The following MYRIP variants were observed in gnomAD, a reference collection of about 807,000 sequenced individuals.
The protein encoded by MYRIP is rab effector MyRIP.
A neutral mutation model predicts 98.0 loss-of-function variants in MYRIP; 49 were observed. The observed-to-expected ratio is 0.50, with a 90% CI of 0.40 to 0.63. MYRIP has a LOEUF of 0.63. Ranked by LOEUF, MYRIP falls within the 30% of genes least tolerant of loss-of-function variation. The pLI is 0.00. For synonymous variants in MYRIP, 404 were observed against 409.5 expected, an observed-to-expected ratio of 0.99 and a Z score of 0.16; for missense variants, 1,004 against 1,058.2, an observed-to-expected ratio of 0.95 and a Z score of 0.71.
intron 3 of MYRIP, among the ~76,000 whole-genome samples, chr3:40,045,988 A>G (rs550183085): frequency 6.6e-6 from 1 of 152,218 alleles, no homozygotes; most frequent in Non-Finnish European, 1.5e-5. Context: ...TGAAAATTCT[A>G]TATAGAGAAA....
chr3:39,906,437 G>A (rs186062587), intron 2 of MYRIP, among the ~76,000 whole-genome samples: 2 of 152,090 alleles, frequency 1.3e-5, no homozygotes, highest in Non-Finnish European at 2.9e-5. Context: ...TGCTTCTAGT[G>A]TTCCTCCATT....
chr3:39,818,689 C>T (rs778454725), intron 1 of MYRIP, among the ~76,000 whole-genome samples: 3 of 152,060 alleles, frequency 2.0e-5, no homozygotes, highest in Non-Finnish European at 4.4e-5. Context: ...ATTCAGTAAA[C>T]ATCCTTGAAA....
At chr3:40,043,612 G>T (rs1460457189) in intron 2 of MYRIP, among the ~76,000 whole-genome samples, 1 of 152,080 alleles carries the variant, frequency 6.6e-6, no homozygotes, top group African/African-American at 2.4e-5. Flanking sequence ...CAGTTTCCAG[G>T]GATGTTAAAT....
chr3:40,000,234 T>C (rs918414966), intron 2 of MYRIP, among the ~76,000 whole-genome samples: 5 of 152,190 alleles, frequency 3.3e-5, no homozygotes, highest in Admixed American at 3.3e-4. Context: ...TGTAGATTAA[T>C]AAATGTTATA....
chr3:40,205,230 G>T (rs1052129257), intron 10 of MYRIP, among the ~76,000 whole-genome samples: 1 of 152,146 alleles, frequency 6.6e-6, no homozygotes, highest in Non-Finnish European at 1.5e-5. Context: ...AAGGAGAAGT[G>T]AAATTCGTCT....
At chr3:40,227,036 C>T (rs1952510279) in intron 11 of MYRIP, among the ~76,000 whole-genome samples, 1 of 152,208 alleles carries the variant, frequency 6.6e-6, no homozygotes, top group South Asian at 2.1e-4. Flanking sequence ...TGTAGGTCCG[C>T]AGCCTGTTGC....
intron 3 of MYRIP, among the ~76,000 whole-genome samples, chr3:40,068,942 C>T (rs935341626): frequency 5.3e-5 from 8 of 152,290 alleles, no homozygotes; most frequent in South Asian, 2.1e-4. Flanking sequence ...CACTGCTCTG[C>T]GTCACCAGCT....
At chr3:40,086,960 G>A (rs1042789834) in intron 3 of MYRIP, among the ~76,000 whole-genome samples, 2 of 152,056 alleles carry the variant, frequency 1.3e-5, no homozygotes, top group African/African-American at 4.8e-5. Flanking sequence ...CCAGCGCCAT[G>A]CCCTATGACC....
intron 1 of MYRIP, among the ~76,000 whole-genome samples, chr3:39,846,071 C>G (rs1440871419): frequency 6.6e-6 from 1 of 152,060 alleles, no homozygotes; most frequent in Non-Finnish European, 1.5e-5. Flanking sequence ...TTTTGGAAAA[C>G]TTTGTTTTGA....
chr3:39,888,698 G>C (rs1203936422), intron 1 of MYRIP, among the ~76,000 whole-genome samples: 2 of 152,072 alleles, frequency 1.3e-5, no homozygotes, highest in Non-Finnish European at 2.9e-5. Context: ...TTAAACTAAA[G>C]AACTTCTGCA....
intron 3 of MYRIP, among the ~76,000 whole-genome samples, chr3:40,096,686 G>A (rs1173471066): frequency 5.3e-5 from 8 of 152,216 alleles, no homozygotes; most frequent in Admixed American, 5.2e-4. Flanking sequence ...TATGAGAGCA[G>A]CCTAAGCAAG....
rs376513495 is a variant in MYRIP, at chr3:40,032,163, T to C, written c.111-11887T>C. Among the ~76,000 whole-genome samples the C allele has an allele frequency of 3.8e-3, 574 of 152,230 alleles. 9 individuals carry two copies. Among genetic ancestry groups the C allele is most frequent in the Admixed American group, 0.023 (344 of 15,282 alleles). On this transcript the variant is annotated intron_variant, in intron 2 of 16. Transcript: ENST00000302541. The stretch of plus-strand genomic sequence containing the variant: ...TTCCCTCTACACACTGCTTTGAATG[T>C]GTCCCAGAGATTCTGGTATGTTGTG...
intron 4 of MYRIP, among the ~76,000 whole-genome samples, chr3:40,156,694 G>A (rs1304652536): frequency 6.6e-6 from 1 of 151,228 alleles, no homozygotes; most frequent in African/African-American, 2.4e-5. Context: ...AGTTCTCCTT[G>A]AAGAGGTCCT....
At chr3:39,907,072 T>C (rs1433429423) in intron 2 of MYRIP, among the ~76,000 whole-genome samples, 1 of 151,888 alleles carries the variant, frequency 6.6e-6, no homozygotes, top group African/African-American at 2.4e-5. Flanking sequence ...TGGTAACTCT[T>C]GAGTACCGAA....
intron 2 of MYRIP, among the ~76,000 whole-genome samples, chr3:39,989,822 G>A (rs1946128093): frequency 6.6e-6 from 1 of 152,234 alleles, no homozygotes; most frequent in African/African-American, 2.4e-5. Context: ...GGACTGTGGG[G>A]GATACCTCTT....
intron 11 of MYRIP, among the ~76,000 whole-genome samples, chr3:40,227,013 C>T (rs1952509592): frequency 6.6e-6 from 1 of 152,206 alleles, no homozygotes; most frequent in South Asian, 2.1e-4. Flanking sequence ...TAGCAGCACC[C>T]GGTTGTTCTC....
rs147777382 is a variant in MYRIP, at chr3:40,181,339, G to C, written c.874-881G>C. ...TCTCCTAGGCTAGGTACCTGTGGGA[G>C]AGAGAAAGGTGAGGAAATGAGCACA... On this transcript the variant is annotated intron_variant, in intron 8 of 16. Transcript: ENST00000302541. Among the ~76,000 whole-genome samples, 46 of 152,324 alleles carry C rather than the reference G, an allele frequency of 3.0e-4. No homozygotes were observed. In the East Asian group the frequency reaches 8.1e-3, roughly 27 times the overall value.
chr3:39,842,320 C>T (rs1227759137), intron 1 of MYRIP, among the ~76,000 whole-genome samples: 1 of 152,158 alleles, frequency 6.6e-6, no homozygotes, highest in Non-Finnish European at 1.5e-5. Context: ...TGACCAGGCT[C>T]CAGTGTCCCT....
chr3:39,948,844 T>G (rs977221894), intron 2 of MYRIP, among the ~76,000 whole-genome samples: 7 of 152,118 alleles, frequency 4.6e-5, no homozygotes, highest in Non-Finnish European at 1.0e-4. Flanking sequence ...AATCTACATA[T>G]AGACTACTCT....
Sources: gnomAD v4.1 joint callset for allele counts (sites outside exome capture counted in the v4.1 genomes callset) on GRCh38, gnomAD v4.1.1 for gene constraint, MANE v1.5 for transcripts, NCBI Gene and HGNC (gene_info 2026-07-23, HGNC 2026-07-21) for gene names.